Variants in GOLM2 observed in about 807,000 individuals in gnomAD.
The protein encoded by GOLM2 is golgi membrane protein 2, also known as protein GOLM2.
Under a neutral mutation model 55.9 loss-of-function variants are expected in GOLM2, and 26 were observed. That is an observed-to-expected ratio of 0.47 (90% confidence interval 0.34 to 0.65). The LOEUF (loss-of-function observed/expected upper bound fraction) is 0.65. GOLM2 is among the 30% of genes least tolerant of loss of function. The pLI is 0.01. For synonymous variants in GOLM2, 165 were observed against 194.6 expected, an observed-to-expected ratio of 0.85 and a Z score of 1.27; for missense variants, 486 against 531.8, an observed-to-expected ratio of 0.91 and a Z score of 0.85.
At chr15:44,357,132 A>G (rs572191114) in intron 6 of GOLM2, among the ~76,000 whole-genome samples, 21 of 152,160 alleles carry the variant, frequency 1.4e-4, no homozygotes, top group African/African-American at 4.8e-4. Context: ...AGATCACATC[A>G]TTGCCTAGGT....
intron 8 of GOLM2, among the ~76,000 whole-genome samples, chr15:44,399,824 G>A (rs996817439): frequency 6.6e-6 from 1 of 151,898 alleles, no homozygotes; most frequent in Non-Finnish European, 1.5e-5. Context: ...GTGAAATCCC[G>A]TCTGTACTAA....
At chr15:44,298,297 CTT>C in intron 1 of GOLM2, among the ~76,000 whole-genome samples, 1 of 133,676 alleles carries the variant, frequency 7.5e-6, no homozygotes, top group African/African-American at 2.8e-5. Context: ...GAGTTTTGCT[CTT>C]GTCGCCCAGG....
intron 6 of GOLM2, among the ~76,000 whole-genome samples, chr15:44,374,757 G>A (rs2079353253): frequency 6.6e-6 from 1 of 152,148 alleles, no homozygotes; most frequent in Non-Finnish European, 1.5e-5. Context: ...GCACTATGGG[G>A]ATGGTGCTAA....
chr15:44,299,926 C>CAAAAAAAAAAA, intron 1 of GOLM2, among the ~76,000 whole-genome samples: 1 of 11,534 alleles, frequency 8.7e-5, no homozygotes, highest in Non-Finnish European at 2.5e-4. Flanking sequence ...GGCAACATAG[C>CAAAAAAAAAAA]AAAAAAAAAA....
chr15:44,297,206 A>G (rs1204615750), intron 1 of GOLM2, among the ~76,000 whole-genome samples: 2 of 152,218 alleles, frequency 1.3e-5, no homozygotes, highest in African/African-American at 4.8e-5. Context: ...AGAACTTGGC[A>G]GATCCCTAAC....
intron 6 of GOLM2, among the ~76,000 whole-genome samples, chr15:44,353,917 A>G (rs954256436): frequency 6.6e-6 from 1 of 152,150 alleles, no homozygotes; most frequent in African/African-American, 2.4e-5. Context: ...GTTTTTAAAC[A>G]CCTGAAAGAG....
intron 6 of GOLM2, among the ~76,000 whole-genome samples, chr15:44,346,785 T>A (rs936545734): frequency 2.0e-5 from 3 of 152,192 alleles, no homozygotes; most frequent in Non-Finnish European, 2.9e-5. Context: ...AACTTTTAAA[T>A]TTTTGTATAA....
At chr15:44,392,451 T>C (rs1462616987) in intron 8 of GOLM2, among the ~76,000 whole-genome samples, 1 of 151,806 alleles carries the variant, frequency 6.6e-6, no homozygotes, top group Non-Finnish European at 1.5e-5. Flanking sequence ...GGTGAAACCC[T>C]GTCTCTACTA....
At chr15:44,344,249 A>C (rs2079107300) in intron 6 of GOLM2, among the ~76,000 whole-genome samples, 1 of 146,898 alleles carries the variant, frequency 6.8e-6, no homozygotes, top group Non-Finnish European at 1.5e-5. Context: ...TCAGAGCGAG[A>C]CCCTGTCTCA....
At chr15:44,396,513 A>G (rs1323377497) in intron 8 of GOLM2, among the ~76,000 whole-genome samples, 1 of 152,222 alleles carries the variant, frequency 6.6e-6, no homozygotes, top group Non-Finnish European at 1.5e-5. Context: ...GTAAATGGAA[A>G]AGGTTAAAGT....
chr15:44,335,514 A>G (rs1465445691), intron 4 of GOLM2, among the ~76,000 whole-genome samples: 2 of 152,202 alleles, frequency 1.3e-5, no homozygotes, highest in Non-Finnish European at 2.9e-5. Flanking sequence ...TTTCTTATCC[A>G]TATCTGGAAA....
chr15:44,357,292 T>C (rs1217132850), intron 6 of GOLM2, among the ~76,000 whole-genome samples: 1 of 149,146 alleles, frequency 6.7e-6, no homozygotes, highest in Non-Finnish European at 1.5e-5. Flanking sequence ...ATTAGCAGGC[T>C]AAAAAAAAAA....
intron 6 of GOLM2, chr15:44,355,138 G>A: frequency 5.0e-6 from 1 of 200,342 alleles, no homozygotes; most frequent in African/African-American, 2.3e-5. Context: ...ATTGCCTCCT[G>A]CACCACCAAC....
In GOLM2 at chr15:44,414,404, T is replaced by C. The variant is rs2079659790; in HGVS notation, c.*998T>C. 1 of 152,358 alleles carries C rather than the reference T, an allele frequency of 6.6e-6. No individual in the cohort carries two copies. The highest frequency in any genetic ancestry group is 2.4e-5 in the African/African-American group (1 of 41,586). The allele number at this position is 152,358 out of a possible 1,614,324, so 9.4% of individuals were successfully genotyped here. ...TATTTATGAGTTATATCTTAGTTCT[T>C]GAAATTGTGGAATGCATGATTGACA... On this transcript the variant is annotated 3_prime_UTR_variant, in exon 10 of 10. Transcript: ENST00000299957.
At chr15:44,303,337 A>C (rs1314242290) in intron 1 of GOLM2, among the ~76,000 whole-genome samples, 1 of 152,272 alleles carries the variant, frequency 6.6e-6, no homozygotes, top group East Asian at 1.9e-4. Flanking sequence ...CATAACTAAA[A>C]TATTCAGATG....
At chr15:44,321,025 G>A (rs923915048) in intron 1 of GOLM2, among the ~76,000 whole-genome samples, 7 of 152,052 alleles carry the variant, frequency 4.6e-5, no homozygotes, top group African/African-American at 7.2e-5. Flanking sequence ...AAGTTTTCCC[G>A]GATCTCTGGA....
chr15:44,354,387 C>T, intron 6 of GOLM2, among the ~76,000 whole-genome samples: 1 of 151,630 alleles, frequency 6.6e-6, no homozygotes, highest in Non-Finnish European at 1.5e-5. Flanking sequence ...CAACATGGCA[C>T]ATGTATACAT....
rs372290486 is a variant in GOLM2, at chr15:44,296,747, C to CT, written c.327+7392dup. 3.2e-3 allele frequency among the ~76,000 whole-genome samples: 486 copies of CT among 152,256 alleles called. 1 individual carries two copies. The highest frequency in any genetic ancestry group is 0.011 in the African/African-American group (466 of 41,542). ...TGCCTCACCCTTTGCTCCTGAATGT[C>CT]TGACTGTTTTTGTTATTTGCTTGTT... On this transcript the variant is annotated intron_variant, in intron 1 of 9. Coordinates refer to ENST00000299957, the MANE Select transcript of GOLM2 (RefSeq NM_138423.4).
intron 1 of GOLM2, among the ~76,000 whole-genome samples, chr15:44,304,230 C>CTTCTTTTTTTTTTTTT (rs1301281420): frequency 2.4e-5 from 2 of 82,874 alleles, no homozygotes; most frequent in East Asian, 4.3e-4. Context: ...GGCTCCACTT[C>CTTCTTTTTTTTTTTTT]TTTTTTTTTT....
Sources: allele counts gnomAD v4.1 joint callset (sites outside exome capture counted in the v4.1 genomes callset), GRCh38; gene constraint gnomAD v4.1.1; transcripts MANE v1.5; gene names NCBI Gene and HGNC (gene_info 2026-07-23, HGNC 2026-07-21).